The following COL4A4 variants were observed in gnomAD, a reference collection of about 807,000 sequenced individuals.
The protein encoded by COL4A4 is collagen type IV alpha 4 chain, also known as collagen alpha-4(IV) chain.
In COL4A4, 105 loss-of-function variants were observed where a neutral mutation model predicts 192.9. The ratio of observed to expected loss-of-function variants is 0.54; its 90% confidence interval spans 0.46 to 0.64. COL4A4 has a LOEUF of 0.64. COL4A4 is among the 30% of genes least tolerant of loss of function. The pLI is 0.00. For missense variants in COL4A4, 1,967 were observed against 2,169.3 expected (o/e 0.91, Z 1.85); for synonymous variants, 762 against 769.9 (o/e 0.99, Z 0.17).
intron 37 of COL4A4, among the ~76,000 whole-genome samples, chr2:227,035,343 C>CA (rs1390565876): frequency 1.3e-5 from 2 of 152,128 alleles, no homozygotes; most frequent in African/African-American, 4.8e-5. Context: ...TATCAGTTTG[C>CA]ATATAAATAA....
rs7606887 is a variant in COL4A4, at chr2:227,027,435, C to T, written c.4081+467G>A. The stretch of plus-strand genomic sequence containing the variant: ...AGGTGGGAACTGAACAATGAGAACA[C>T]TTGGACACAAGAAGGGGAACATCAC... On this transcript the variant is annotated intron_variant, in intron 42 of 47. Transcript: ENST00000396625. Among the ~76,000 whole-genome samples the T allele has an allele frequency of 7.9e-3, 1,131 of 143,762 alleles. 19 individuals are homozygous for T. The highest frequency in any genetic ancestry group is 0.028 in the African/African-American group (1,056 of 38,242). 94.3% of individuals were successfully genotyped at this position (143,762 alleles called of 152,430 possible).
intron 25 of COL4A4, among the ~76,000 whole-genome samples, chr2:227,068,272 T>C (rs865949535): frequency 3.2e-4 from 49 of 152,236 alleles, no homozygotes; most frequent in African/African-American, 9.1e-4. Flanking sequence ...GATTCACAGC[T>C]GAATTCTACC....
chr2:227,159,422 C>T (rs2222869), intron 1 of COL4A4, among the ~76,000 whole-genome samples: 1 of 151,954 alleles, frequency 6.6e-6, no homozygotes, highest in Non-Finnish European at 1.5e-5. Context: ...GTGGATGCAT[C>T]GGCAAAACTT....
At chr2:227,033,062 C>G (rs2149989861) in intron 38 of COL4A4, among the ~76,000 whole-genome samples, 1 of 152,262 alleles carries the variant, frequency 6.6e-6, no homozygotes. Flanking sequence ...CATTACTATA[C>G]TTAATACAAA....
At chr2:226,989,814 G>A in the COL4A4 span, among the ~76,000 whole-genome samples, 1 of 152,182 alleles carries the variant, frequency 6.6e-6, no homozygotes, top group African/African-American at 2.4e-5. Flanking sequence ...AACAGGTAAA[G>A]TGGTAAACTA....
intron 3 of COL4A4, among the ~76,000 whole-genome samples, 197 bp from the exon 4 acceptor site, chr2:227,140,435 C>T (rs1235380925): frequency 2.0e-5 from 3 of 152,150 alleles, no homozygotes; most frequent in Non-Finnish European, 4.4e-5. Flanking sequence ...CAAGAAGCTT[C>T]CAAACTGAGG....
intron 37 of COL4A4, among the ~76,000 whole-genome samples, chr2:227,041,845 AAAGAGAAAGAAAGAAAGAAAG>A (rs1971270902): frequency 2.4e-5 from 2 of 83,174 alleles, no homozygotes; most frequent in African/African-American, 1.3e-4. Flanking sequence ...AGAAAGAAAG[AAAGAGAAAGAAAGAAAGAAAG>A]AAAGAAAGAA....
intron 40 of COL4A4, among the ~76,000 whole-genome samples, chr2:227,031,491 C>T (rs1193554933): frequency 6.6e-6 from 1 of 152,122 alleles, no homozygotes; most frequent in East Asian, 1.9e-4. Flanking sequence ...ATGAAAGAAA[C>T]AACATGTACT....
chr2:227,039,908 A>T (rs1399705192), intron 37 of COL4A4, among the ~76,000 whole-genome samples: 1 of 152,214 alleles, frequency 6.6e-6, no homozygotes, highest in African/African-American at 2.4e-5. Flanking sequence ...GAAGACGGAG[A>T]ACAGTACAAA....
At chr2:227,152,065 T>A (rs1179091740) in intron 1 of COL4A4, among the ~76,000 whole-genome samples, 1 of 152,194 alleles carries the variant, frequency 6.6e-6, no homozygotes, top group Non-Finnish European at 1.5e-5. Flanking sequence ...TCCATTATGA[T>A]GAAAACAAAA....
chr2:227,010,022 C>A (rs1963274252), intron 46 of COL4A4, among the ~76,000 whole-genome samples: 1 of 152,108 alleles, frequency 6.6e-6, no homozygotes, highest in Admixed American at 6.5e-5. Context: ...ATTTAACTTA[C>A]TGAGGAAGAA....
intron 29 of COL4A4, 62 bp from the exon 30 acceptor site, chr2:227,056,177 G>A (rs1318385663): frequency 8.3e-6 from 12 of 1,437,578 alleles, no homozygotes; most frequent in African/African-American, 2.8e-5. Flanking sequence ...CACACAGCAG[G>A]AAAAATATAC....
chr2:227,156,880 A>G (rs957380087), intron 1 of COL4A4, among the ~76,000 whole-genome samples: 1 of 152,206 alleles, frequency 6.6e-6, no homozygotes, highest in African/African-American at 2.4e-5. Context: ...GACAAATCCT[A>G]AAATATAATT....
At chr2:227,129,087 A>T (rs191088934) in intron 4 of COL4A4, among the ~76,000 whole-genome samples, 7 of 152,146 alleles carry the variant, frequency 4.6e-5, no homozygotes, top group Non-Finnish European at 8.8e-5. Context: ...TCTAGACACA[A>T]CACAACAGTG....
At chr2:226,983,138 A>C in the COL4A4 span, among the ~76,000 whole-genome samples, 1 of 152,180 alleles carries the variant, frequency 6.6e-6, no homozygotes, top group Admixed American at 6.5e-5. Flanking sequence ...AGAGTTTCTC[A>C]AAGTGGGGCA....
intron 4 of COL4A4, among the ~76,000 whole-genome samples, chr2:227,137,369 T>C (rs1296306866): frequency 6.6e-6 from 1 of 152,188 alleles, no homozygotes; most frequent in Non-Finnish European, 1.5e-5. Flanking sequence ...GTAATGATCT[T>C]TCCACGATCA....
chr2:226,973,832 C>T, the COL4A4 span, among the ~76,000 whole-genome samples: 550 of 152,306 alleles, frequency 3.6e-3, no homozygotes, highest in Middle Eastern at 6.8e-3. Flanking sequence ...GTTAGAACAA[C>T]TCCGGAGCCC....
At chr2:227,163,777 C>G (rs2065052367) in intron 1 of COL4A4, among the ~76,000 whole-genome samples, 1 of 152,240 alleles carries the variant, frequency 6.6e-6, no homozygotes, top group Non-Finnish European at 1.5e-5. Flanking sequence ...AGTGCCCCGA[C>G]TGCCAGGCCG....
At chr2:227,020,582 A>G (rs1965811524) in intron 44 of COL4A4, among the ~76,000 whole-genome samples, 1 of 152,238 alleles carries the variant, frequency 6.6e-6, no homozygotes, top group African/African-American at 2.4e-5. Context: ...TTGGGGAACC[A>G]CAAGAAAAAC....
Sources: gnomAD v4.1 joint callset for allele counts (sites outside exome capture counted in the v4.1 genomes callset) on GRCh38, gnomAD v4.1.1 for gene constraint, MANE v1.5 for transcripts, NCBI Gene and HGNC (gene_info 2026-07-23, HGNC 2026-07-21) for gene names.